Variants in CNTNAP2 observed in about 807,000 individuals in gnomAD.
The protein encoded by CNTNAP2 is contactin-associated protein-like 2.
In CNTNAP2, 98 loss-of-function variants were observed where a neutral mutation model predicts 155.2. That is an observed-to-expected ratio of 0.63 (90% CI 0.54 to 0.75). CNTNAP2 has a LOEUF of 0.75. Among genes scored for constraint, CNTNAP2 ranks in the 30% least tolerant of loss-of-function variants. The pLI is 0.00. For missense variants in CNTNAP2, 1,727 were observed against 1,688.1 expected, an observed-to-expected ratio of 1.02 and a Z score of -0.40; for synonymous variants, 651 against 631.2, an observed-to-expected ratio of 1.03 and a Z score of -0.47.
At chr7:146,436,100 T>A (rs1351328033) in intron 1 of CNTNAP2, among the ~76,000 whole-genome samples, 5 of 152,156 alleles carry the variant, frequency 3.3e-5, no homozygotes, top group African/African-American at 1.2e-4. Context: ...TATTCTTAAT[T>A]TATAATATAG....
Position 148,375,878 on chromosome 7 carries a change from G to T in CNTNAP2, c.3476-7771G>T, listed in dbSNP as rs1798975911. Among the ~76,000 whole-genome samples the T allele has an allele frequency of 8.1e-5, 3 of 37,142 alleles. 1 individual carries two copies. Among genetic ancestry groups the T allele is most frequent in the Non-Finnish European group, 2.4e-4 (3 of 12,580 alleles). The allele number at this position is 37,142 out of a possible 152,430, so 24.4% of individuals were successfully genotyped here. A position where few individuals can be genotyped will look rare whatever the true frequency, so the allele number is the denominator to read the frequency against. ...TAGCCAGACATGGTGGCGGGCGCCT[G>T]TAATCTCAGCTATTCGGGAGGCTGA... is the stretch of plus-strand genomic sequence containing the variant. On this transcript the variant is annotated intron_variant, in intron 21 of 23. Coordinates refer to ENST00000361727, the MANE Select transcript of CNTNAP2 (RefSeq NM_014141.6).
rs555827936 is a variant in CNTNAP2, at chr7:147,955,194, C to T, written c.2256-22668C>T. ...ATCACACTTTTTAAATCTTACAACT[C>T]GTTGATAGTCATCAAAATTGAAGAT... On this transcript the variant is annotated intron_variant, in intron 14 of 23. Coordinates refer to ENST00000361727, the MANE Select transcript of CNTNAP2 (RefSeq NM_014141.6). 1.3e-4 allele frequency among the ~76,000 whole-genome samples: 20 copies of T among 152,246 alleles called. No homozygotes were observed. The East Asian group carries it at 3.5e-3, about 26-fold the overall frequency.
chr7:146,123,912 T>C (rs1385659343), intron 1 of CNTNAP2, among the ~76,000 whole-genome samples: 1 of 152,160 alleles, frequency 6.6e-6, no homozygotes, highest in Non-Finnish European at 1.5e-5. Context: ...TGGAATACTA[T>C]GCAGCCATAA....
At chr7:147,502,777 G>T (rs1307328327) in intron 11 of CNTNAP2, among the ~76,000 whole-genome samples, 4 of 143,816 alleles carry the variant, frequency 2.8e-5, no homozygotes, top group Non-Finnish European at 6.1e-5. Flanking sequence ...TCATCATGTT[G>T]TACATTTTAA....
At chr7:147,992,662 T>C (rs1302090981) in intron 15 of CNTNAP2, among the ~76,000 whole-genome samples, 2 of 152,204 alleles carry the variant, frequency 1.3e-5, no homozygotes, top group Non-Finnish European at 2.9e-5. Context: ...GTGGGAATAT[T>C]AGTTGCTAGA....
rs781282185 is a variant in CNTNAP2 at position 148,267,107 on chromosome 7, C to T, written c.3456C>T (p.Leu1152=). 2 of 1,614,066 alleles carry T rather than the reference C, an allele frequency of 1.2e-6. No homozygotes were observed. The highest frequency in any genetic ancestry group is 2.2e-5 in the South Asian group (2 of 91,064). ...CCCTCTTCAATTCTCCCAAGTCGCTCTTTCTGGGAAAAGTTATAGGTAAGA... is the reference window on the plus strand; with the variant it reads ...CCCTCTTCAATTCTCCCAAGTCGCTTTTTCTGGGAAAAGTTATAGGTAAGA... ...SDTLFNSPKS[L]FLGKVIETGK... Residue 1152 remains leucine, a synonymous_variant, in exon 21 of 24, where the codon CTC becomes CTT. Transcript: ENST00000361727.
intron 11 of CNTNAP2, among the ~76,000 whole-genome samples, chr7:147,530,494 A>T (rs925050527): frequency 1.3e-5 from 2 of 152,094 alleles, no homozygotes; most frequent in South Asian, 4.1e-4. Flanking sequence ...CATTTCTTAC[A>T]TGGCAGTGGC....
intron 8 of CNTNAP2, among the ~76,000 whole-genome samples, chr7:147,174,898 A>C (rs1472079814): frequency 1.3e-5 from 2 of 152,172 alleles, no homozygotes; most frequent in African/African-American, 2.4e-5. Flanking sequence ...GATAGATCGC[A>C]CTATAAGAGA....
intron 1 of CNTNAP2, among the ~76,000 whole-genome samples, chr7:146,388,944 G>C (rs1266830541): frequency 6.6e-6 from 1 of 152,110 alleles, no homozygotes; most frequent in Non-Finnish European, 1.5e-5. Context: ...GCAGAGACAA[G>C]CATCTAGAGA....
Position 147,003,800 on chromosome 7 carries a change from G to A in CNTNAP2, c.403-40107G>A, listed in dbSNP as rs1798473165. Among the ~76,000 whole-genome samples, 3 of 151,964 alleles carry A rather than the reference G, an allele frequency of 2.0e-5. No homozygotes were observed. In the South Asian group the frequency reaches 6.2e-4, roughly 31 times the overall value. On this transcript the variant is annotated intron_variant, in intron 3 of 23. Transcript: ENST00000361727. ...GAGTTACGGGAGGCTGAGTGAGGTGGAAGGACTGTTTGAGGCTGGGAGTTC... is the reference window on the plus strand; with the variant it reads ...GAGTTACGGGAGGCTGAGTGAGGTGAAAGGACTGTTTGAGGCTGGGAGTTC...
At chr7:146,378,239 T>A (rs1795331518) in intron 1 of CNTNAP2, among the ~76,000 whole-genome samples, 1 of 152,184 alleles carries the variant, frequency 6.6e-6, no homozygotes, top group Non-Finnish European at 1.5e-5. Context: ...TTTGTAATCT[T>A]GGTTGTGAGA....
chr7:148,271,411 T>G (rs1210585502), intron 21 of CNTNAP2, among the ~76,000 whole-genome samples: 1 of 152,204 alleles, frequency 6.6e-6, no homozygotes, highest in Non-Finnish European at 1.5e-5. Context: ...CAACCAAAAA[T>G]GTCTTCTAAC....
At chr7:147,408,030 T>C (rs1584931119) in intron 10 of CNTNAP2, among the ~76,000 whole-genome samples, 1 of 152,366 alleles carries the variant, frequency 6.6e-6, no homozygotes, top group Non-Finnish European at 1.5e-5. Flanking sequence ...TTTTCATTTA[T>C]TCATTTATCC....
At chr7:146,378,541 G>A (rs981950228) in intron 1 of CNTNAP2, among the ~76,000 whole-genome samples, 1 of 152,134 alleles carries the variant, frequency 6.6e-6, no homozygotes. Flanking sequence ...CTATGGTTAT[G>A]TTAGAACTGA....
chr7:147,527,410 A>G (rs1799347592), intron 11 of CNTNAP2, among the ~76,000 whole-genome samples: 1 of 152,200 alleles, frequency 6.6e-6, no homozygotes, highest in South Asian at 2.1e-4. Context: ...TAAAAAGTGA[A>G]AAGCTGCAAA....
chr7:147,917,572 A>T (rs1241755679), intron 14 of CNTNAP2, among the ~76,000 whole-genome samples: 1 of 152,170 alleles, frequency 6.6e-6, no homozygotes, highest in Admixed American at 6.5e-5. Flanking sequence ...TTTACATACC[A>T]CTTCCATTTA....
intron 10 of CNTNAP2, among the ~76,000 whole-genome samples, chr7:147,437,504 C>A (rs1273020638): frequency 6.6e-6 from 1 of 152,058 alleles, no homozygotes; most frequent in Non-Finnish European, 1.5e-5. Context: ...TCCAACATTT[C>A]ATAGTAGGTG....
intron 11 of CNTNAP2, among the ~76,000 whole-genome samples, chr7:147,520,007 G>GT (rs781419808): frequency 6.6e-6 from 1 of 152,120 alleles, no homozygotes; most frequent in Non-Finnish European, 1.5e-5. Flanking sequence ...TGGAGGGAGC[G>GT]TTTCTTTGAT....
intron 13 of CNTNAP2, among the ~76,000 whole-genome samples, chr7:147,679,541 C>T (rs1276924754): frequency 6.6e-6 from 1 of 151,788 alleles, no homozygotes; most frequent in Middle Eastern, 3.2e-3. Context: ...TTTATTTTCT[C>T]ACCAATAAAA....
Sources: gnomAD v4.1 joint callset for allele counts (sites outside exome capture counted in the v4.1 genomes callset) on GRCh38, gnomAD v4.1.1 for gene constraint, MANE v1.5 for transcripts, NCBI Gene and HGNC (gene_info 2026-07-23, HGNC 2026-07-21) for gene names.